Variants in SULT2B1 observed in about 807,000 individuals in gnomAD.
SULT2B1 encodes sulfotransferase family 2B member 1, also known as sulfotransferase 2B1.
SULT2B1 carries 16 observed loss-of-function variants against 33.2 expected under a neutral mutation model. The ratio of observed to expected loss-of-function variants is 0.48; its 90% CI spans 0.33 to 0.73. The LOEUF is 0.73. Among genes scored for constraint, SULT2B1 ranks in the 30% least tolerant of loss-of-function variants. SULT2B1 has a pLI of 0.02. For missense variants in SULT2B1, 500 were observed against 506.0 expected (o/e 0.99, Z 0.11); for synonymous variants, 186 against 200.5 (o/e 0.93, Z 0.61).
At chr19:48,569,198 A>T (rs1406919921) in intron 1 of SULT2B1, among the ~76,000 whole-genome samples, 6 of 151,058 alleles carry the variant, frequency 4.0e-5, no homozygotes, top group South Asian at 2.1e-4. Context: ...AAAAATTAGC[A>T]GGGCGTGGTG....
At position 48,586,392 on chromosome 19, in the gene SULT2B1, C is replaced by T. The variant is rs567200776; in HGVS notation, c.215-837C>T. Reference sequence around the variant, plus strand: ...TGCATTCCCAGACATTTGGTTCCTTCCATCTTATGGCTCTGCCATCCCCGG... The same window carrying T: ...TGCATTCCCAGACATTTGGTTCCTTTCATCTTATGGCTCTGCCATCCCCGG... On this transcript the variant is annotated intron_variant, in intron 2 of 6. Coordinates refer to ENST00000201586, the MANE Select transcript of SULT2B1 (RefSeq NM_177973.2). Among the ~76,000 whole-genome samples the T allele has an allele frequency of 3.4e-4, 52 of 152,292 alleles. No homozygotes were observed. The Middle Eastern group carries it at 0.01, about 30-fold the overall frequency.
intron 2 of SULT2B1, among the ~76,000 whole-genome samples, chr19:48,581,886 TATTATATTATTATTA>T (rs1162067481): frequency 9.3e-6 from 1 of 107,504 alleles, no homozygotes; most frequent in African/African-American, 3.3e-5. Context: ...TTATTATTAT[TATTATATTATTATTA>T]TTATTATTAT....
chr19:48,568,980 G>C (rs975191376), intron 1 of SULT2B1, among the ~76,000 whole-genome samples: 9 of 152,250 alleles, frequency 5.9e-5, no homozygotes, highest in Non-Finnish European at 8.8e-5. Context: ...TCCCAGAGGG[G>C]CCTCCCTGAC....
chr19:48,557,114 A>C (rs1290151550), intron 1 of SULT2B1, among the ~76,000 whole-genome samples: 1 of 152,132 alleles, frequency 6.6e-6, no homozygotes, highest in Non-Finnish European at 1.5e-5. Flanking sequence ...CAAACAAGGA[A>C]TTGACCAGAA....
intron 1 of SULT2B1, among the ~76,000 whole-genome samples, chr19:48,558,255 G>A (rs1214551708): frequency 6.6e-6 from 1 of 152,210 alleles, no homozygotes; most frequent in Non-Finnish European, 1.5e-5. Context: ...ACTGTATCAC[G>A]CCCTGGATGG....
chr19:48,553,014 G>T (rs141650645), intron 1 of SULT2B1, among the ~76,000 whole-genome samples: 2 of 152,108 alleles, frequency 1.3e-5, no homozygotes, highest in East Asian at 1.9e-4. Flanking sequence ...ATCTGAACCC[G>T]GTCTGTCTCA....
At chr19:48,586,542 TC>T (rs1395524174) in intron 2 of SULT2B1, among the ~76,000 whole-genome samples, 2 of 152,044 alleles carry the variant, frequency 1.3e-5, no homozygotes, top group African/African-American at 4.8e-5. Flanking sequence ...CACCTATACT[TC>T]CTTGGCCAGA....
At chr19:48,588,409 G>A (rs1338405692) in intron 3 of SULT2B1, among the ~76,000 whole-genome samples, 1 of 151,690 alleles carries the variant, frequency 6.6e-6, no homozygotes, top group Non-Finnish European at 1.5e-5. Context: ...CTACTTGGGA[G>A]GCTGAGGCAG....
intron 2 of SULT2B1, among the ~76,000 whole-genome samples, chr19:48,583,983 G>T (rs1021366196): frequency 1.3e-5 from 2 of 152,074 alleles, no homozygotes; most frequent in Non-Finnish European, 2.9e-5. Flanking sequence ...ATGCTGGCGT[G>T]CGCCTGTAGT....
chr19:48,569,940 A>G (rs1973298234), intron 1 of SULT2B1, among the ~76,000 whole-genome samples: 1 of 152,080 alleles, frequency 6.6e-6, no homozygotes, highest in African/African-American at 2.4e-5. Flanking sequence ...TGCTGGGATT[A>G]GAGGCATGAG....
At chr19:48,589,118 C>T (rs568319591) in intron 3 of SULT2B1, among the ~76,000 whole-genome samples, 1 of 152,264 alleles carries the variant, frequency 6.6e-6, no homozygotes, top group South Asian at 2.1e-4. Context: ...CCGGGAAGCC[C>T]GAGAGGCGGC....
At chr19:48,569,364 ATAT>A (rs1568405797) in intron 1 of SULT2B1, among the ~76,000 whole-genome samples, 92 of 1,394 alleles carry the variant, frequency 0.066, no homozygotes, top group Non-Finnish European at 0.095. Context: ...AAAAAAAAAC[ATAT>A]ATATATATAT....
rs141497210 is a variant in SULT2B1 at position 48,581,875 on chromosome 19, T to TTTA, written c.215-5340_215-5338dup. On this transcript the variant is annotated intron_variant, in intron 2 of 6. Transcript: ENST00000201586. ...ATATCAGCGTCTTCTCAGAGTATGT[T>TTTA]TTATTATTATTATTATATTATTATT... Among the ~76,000 whole-genome samples, 166 of 128,850 alleles carry TTTA rather than the reference T, an allele frequency of 1.3e-3. 1 individual carries two copies. The highest frequency in any genetic ancestry group is 4.7e-3 in the African/African-American group (157 of 33,216). The allele number at this position is 128,850 out of a possible 152,430, so 84.5% of individuals were successfully genotyped here. A position where few individuals can be genotyped will look rare whatever the true frequency, so the allele number is the denominator to read the frequency against.
intron 6 of SULT2B1, 129 bp downstream of exon 6, chr19:48,597,048 GC>G: frequency 1.8e-6 from 2 of 1,094,538 alleles, no homozygotes; most frequent in Non-Finnish European, 2.6e-6. Flanking sequence ...GGTCACTGTG[GC>G]CCCAGGGTTG....
chr19:48,552,380 G>C lies in SULT2B1; in HGVS notation c.71+57G>C, dbSNP rs912012726. 1.3e-6 allele frequency: 2 copies of C among 1,582,244 alleles called. No individual in the cohort carries two copies. The highest frequency in any genetic ancestry group is 1.8e-5 in the Admixed American group (1 of 56,178). On this transcript the variant is annotated intron_variant, in intron 1 of 6. Transcript: ENST00000201586. This position sits in a 1 kb window ranked among gnomAD's most constrained non-coding sequence, Gnocchi z 4.8. ...ATCCCAGGGAGGAGGTGGCTGTTTG[G>C]GGGAGCCGGGGACTGTGGCAAGGGT...
chr19:48,572,060 G>A (rs1455386521), intron 1 of SULT2B1, among the ~76,000 whole-genome samples: 3 of 152,270 alleles, frequency 2.0e-5, no homozygotes, highest in South Asian at 4.1e-4. Context: ...GATCATGCAT[G>A]TTCTTGGCAT....
intron 1 of SULT2B1, among the ~76,000 whole-genome samples, chr19:48,570,685 A>G (rs1425832431): frequency 6.6e-6 from 1 of 150,938 alleles, no homozygotes; most frequent in African/African-American, 2.4e-5. Context: ...CAGAAGGGAG[A>G]GTGACTCTGG....
intron 6 of SULT2B1, among the ~76,000 whole-genome samples, 177 bp downstream of exon 6, chr19:48,597,096 G>A (rs1347180684): frequency 6.6e-6 from 1 of 152,140 alleles, no homozygotes; most frequent in Non-Finnish European, 1.5e-5. Flanking sequence ...CAGCACACGT[G>A]CCAGCCACCC....
At chr19:48,558,627 T>C (rs910552511) in intron 1 of SULT2B1, among the ~76,000 whole-genome samples, 8 of 151,398 alleles carry the variant, frequency 5.3e-5, no homozygotes, top group Non-Finnish European at 1.0e-4. Flanking sequence ...AATGATTTTA[T>C]GGCCAAAGCC....
Sources: allele counts gnomAD v4.1 joint callset (sites outside exome capture counted in the v4.1 genomes callset), GRCh38; gene constraint gnomAD v4.1.1; non-coding constraint Gnocchi (gnomAD v3.1); transcripts MANE v1.5; gene names NCBI Gene and HGNC (gene_info 2026-07-23, HGNC 2026-07-21).